KAZN: variants seen among roughly 807,000 people sequenced by gnomAD.
The protein encoded by KAZN is kazrin.
KAZN carries 40 observed loss-of-function variants against 87.4 expected under a neutral mutation model. The ratio of observed to expected loss-of-function variants is 0.46; its 90% CI spans 0.36 to 0.60. KAZN has a LOEUF of 0.60. Ranked by LOEUF, KAZN falls within the 20% of genes least tolerant of loss-of-function variation. The probability of loss-of-function intolerance (pLI) is 0.00; values close to 1 mark genes in which losing one functional copy is unlikely to be tolerated. For synonymous variants in KAZN, 466 were observed against 458.3 expected (o/e 1.02, Z -0.22); for missense variants, 898 against 1,073.9 (o/e 0.84, Z 2.29).
At chr1:15,011,810 A>G (rs1341220436) in intron 2 of KAZN, among the ~76,000 whole-genome samples, 8 of 152,068 alleles carry the variant, frequency 5.3e-5, no homozygotes, top group Non-Finnish European at 1.0e-4. Context: ...AACACTGCGC[A>G]CTCAGGGTTG....
chr1:14,416,926 CTA>C (rs942695591), intron 2 of KAZN, among the ~76,000 whole-genome samples: 13 of 150,778 alleles, frequency 8.6e-5, no homozygotes, highest in Admixed American at 4.0e-4. Flanking sequence ...CCTATTCTGC[CTA>C]TATATGTGTG....
intron 1 of KAZN, among the ~76,000 whole-genome samples, chr1:14,617,664 A>G (rs1401911128): frequency 2.0e-5 from 3 of 152,246 alleles, no homozygotes; most frequent in African/African-American, 7.2e-5. Flanking sequence ...AATAAATATC[A>G]GCTATGAATG....
intron 1 of KAZN, among the ~76,000 whole-genome samples, chr1:14,093,472 T>C (rs1644054841): frequency 6.6e-6 from 1 of 152,236 alleles, no homozygotes; most frequent in Non-Finnish European, 1.5e-5. Flanking sequence ...GCTAAATAGT[T>C]ACTAAATTAA....
At chr1:13,922,625 C>T (rs979446625) in intron 1 of KAZN, among the ~76,000 whole-genome samples, 1 of 152,104 alleles carries the variant, frequency 6.6e-6, no homozygotes, top group Non-Finnish European at 1.5e-5. Context: ...CGTGGCTGAA[C>T]GCAGCTGGGG....
In KAZN at chr1:14,199,393, C is replaced by T. The variant is rs537970123; in HGVS notation, c.249+18801C>T. ...TTTGCACAGATGGCTTCCATCACTC[C>T]TCAGGTCTCAGTTTAAATGTCACCT... is the stretch of plus-strand genomic sequence containing the variant. On this transcript the variant is annotated intron_variant, in intron 2 of 16. Coordinates refer to the KAZN transcript ENST00000636203. 2.0e-5 allele frequency among the ~76,000 whole-genome samples: 3 copies of T among 152,314 alleles called. No homozygotes were observed. In the South Asian group the frequency reaches 6.2e-4, roughly 32 times the overall value.
At position 15,094,102 on chromosome 1, in the gene KAZN, C is replaced by A; in HGVS notation, c.1223-78C>A. The A allele has an allele frequency of 7.4e-7, 1 of 1,347,260 alleles. No individual in the cohort carries two copies. The highest frequency in any genetic ancestry group is 1.0e-6 in the Non-Finnish European group (1 of 967,552). The allele number at this position is 1,347,260 out of a possible 1,614,324, so 83.5% of individuals were successfully genotyped here. On this transcript the variant is annotated intron_variant, in intron 8 of 14. Coordinates refer to ENST00000376030, the MANE Select transcript of KAZN (RefSeq NM_201628.3). The surrounding 1 kb of genome is among the most constrained non-coding windows in gnomAD (Gnocchi z 4.5). ...GGAGGATGTCCCCACCACCCTCTGC[C>A]TCCCGGGGGTATGGCCTGCCCAGCC...
intron 2 of KAZN, among the ~76,000 whole-genome samples, chr1:14,575,788 C>T (rs899765248): frequency 1.1e-4 from 17 of 152,310 alleles, no homozygotes; most frequent in African/African-American, 3.8e-4. Flanking sequence ...TTTCGAGCCA[C>T]TGAACAATGC....
intron 1 of KAZN, among the ~76,000 whole-genome samples, chr1:13,932,091 CAA>C (rs1348927048): frequency 1.3e-5 from 2 of 149,634 alleles, no homozygotes; most frequent in Admixed American, 6.7e-5. Context: ...TTCCTGACCT[CAA>C]GTGATACACC....
In KAZN at chr1:14,932,956, G is replaced by A. The variant is rs370413059; in HGVS notation, c.227-27728G>A. On this transcript the variant is annotated intron_variant, in intron 1 of 14. Transcript: ENST00000376030. Reference sequence around the variant, plus strand: ...TTCATCACCCCAAACAGAAACCATGGCCCATTAAACACTAACTCTCCATCC... The same window carrying A: ...TTCATCACCCCAAACAGAAACCATGACCCATTAAACACTAACTCTCCATCC... 2.5e-4 allele frequency among the ~76,000 whole-genome samples: 38 copies of A among 152,058 alleles called. No individual in the cohort carries two copies. The East Asian group carries it at 6.2e-3, about 25-fold the overall frequency.
intron 2 of KAZN, among the ~76,000 whole-genome samples, chr1:14,237,776 C>T (rs1266789316): frequency 4.6e-5 from 7 of 152,106 alleles, no homozygotes; most frequent in Non-Finnish European, 1.0e-4. Context: ...TGAACCAGAG[C>T]CCTGGCAGGT....
intron 1 of KAZN, among the ~76,000 whole-genome samples, chr1:14,958,381 T>G (rs1663407920): frequency 9.7e-6 from 1 of 102,684 alleles, no homozygotes; most frequent in African/African-American, 2.9e-5. Flanking sequence ...GCACTTCTTA[T>G]ATACATGGAG....
intron 1 of KAZN, among the ~76,000 whole-genome samples, chr1:14,780,077 T>C (rs1462752852): frequency 1.3e-5 from 2 of 152,208 alleles, no homozygotes; most frequent in Non-Finnish European, 2.9e-5. Context: ...CCAGGTATTG[T>C]CTGAGTCCCA....
At chr1:14,881,244 T>A (rs1400492848) in intron 1 of KAZN, among the ~76,000 whole-genome samples, 3 of 152,236 alleles carry the variant, frequency 2.0e-5, no homozygotes, top group Non-Finnish European at 4.4e-5. Context: ...GTGTTTCCAG[T>A]TGGACCAGAA....
chr1:14,432,801 C>T (rs1666150817), intron 2 of KAZN, among the ~76,000 whole-genome samples: 1 of 152,074 alleles, frequency 6.6e-6, no homozygotes, highest in Admixed American at 6.6e-5. Flanking sequence ...TCAGTTCCCA[C>T]TTGTAAGTGA....
At chr1:14,246,520 AATATT>A (rs1205531682) in intron 2 of KAZN, among the ~76,000 whole-genome samples, 5 of 152,168 alleles carry the variant, frequency 3.3e-5, no homozygotes, top group African/African-American at 9.7e-5. Context: ...GAAGCTATGA[AATATT>A]ATATGCATAT....
chr1:14,935,013 G>GA (rs1269700857), intron 1 of KAZN, among the ~76,000 whole-genome samples: 1 of 152,200 alleles, frequency 6.6e-6, no homozygotes, highest in Non-Finnish European at 1.5e-5. Flanking sequence ...CCTGGCTGGG[G>GA]AGGAGTTGCT....
intron 1 of KAZN, among the ~76,000 whole-genome samples, chr1:14,043,589 C>G (rs1641930936): frequency 6.8e-6 from 1 of 147,048 alleles, no homozygotes; most frequent in Non-Finnish European, 1.5e-5. Context: ...TCTCTATACC[C>G]TCTCCAACAC....
intron 1 of KAZN, among the ~76,000 whole-genome samples, chr1:14,881,004 A>G (rs1653280394): frequency 6.6e-6 from 1 of 152,222 alleles, no homozygotes; most frequent in Non-Finnish European, 1.5e-5. Flanking sequence ...TGAGGTAAGA[A>G]AACGAATGAC....
chr1:13,910,109 G>A (rs149040760), intron 1 of KAZN, among the ~76,000 whole-genome samples: 22 of 152,120 alleles, frequency 1.4e-4, no homozygotes, highest in African/African-American at 5.3e-4. Context: ...AGTGTGGCCT[G>A]GGGGGAGGTG....
Sources: gnomAD v4.1 joint callset for allele counts (sites outside exome capture counted in the v4.1 genomes callset) on GRCh38, gnomAD v4.1.1 for gene constraint, Gnocchi (gnomAD v3.1) non-coding constraint, MANE v1.5 for transcripts, NCBI Gene and HGNC (gene_info 2026-07-23, HGNC 2026-07-21) for gene names.